SGCZ: variants seen among roughly 807,000 people sequenced by gnomAD.
SGCZ encodes sarcoglycan zeta.
Under a neutral mutation model 41.3 loss-of-function variants are expected in SGCZ, and 40 were observed. The observed-to-expected ratio is 0.97, with a 90% CI of 0.75 to 1.26. The LOEUF (loss-of-function observed/expected upper bound fraction) is 1.26, where lower values mean the gene tolerates loss of function less well. Among genes scored for constraint, SGCZ ranks in the 50% most tolerant of loss-of-function variants. The pLI is 0.00. For synonymous variants in SGCZ, 206 were observed against 137.5 expected (o/e 1.50, Z -3.49); for missense variants, 552 against 369.8 (o/e 1.49, Z -4.04).
chr8:15,073,685 T>C (rs542870151), intron 1 of SGCZ, among the ~76,000 whole-genome samples: 66 of 152,322 alleles, frequency 4.3e-4, no homozygotes, highest in African/African-American at 9.4e-4. Flanking sequence ...GACTGCAACA[T>C]AGAAACTCTG....
At chr8:14,147,351 G>GA (rs1479806504) in intron 5 of SGCZ, among the ~76,000 whole-genome samples, 1 of 152,118 alleles carries the variant, frequency 6.6e-6, no homozygotes, top group East Asian at 1.9e-4. Flanking sequence ...CACACAGACT[G>GA]AAAAGAAAGG....
At chr8:14,933,437 T>TC (rs1563373328) in intron 1 of SGCZ, among the ~76,000 whole-genome samples, 1 of 145,606 alleles carries the variant, frequency 6.9e-6, no homozygotes, top group Non-Finnish European at 1.5e-5. Flanking sequence ...TTTTCTTTTT[T>TC]TTTTTTTTTT....
At chr8:14,184,164 C>G (rs1365970783) in intron 4 of SGCZ, among the ~76,000 whole-genome samples, 1 of 151,974 alleles carries the variant, frequency 6.6e-6, no homozygotes, top group Non-Finnish European at 1.5e-5. Context: ...AAAAATTTAA[C>G]AAATTCCAGT....
chr8:15,148,843 G>T (rs1212866689), intron 1 of SGCZ, among the ~76,000 whole-genome samples: 1 of 152,130 alleles, frequency 6.6e-6, no homozygotes, highest in Non-Finnish European at 1.5e-5. Context: ...GAGAGTGAAA[G>T]AATCATATTA....
At chr8:14,354,142 A>C (rs978699968) in intron 2 of SGCZ, among the ~76,000 whole-genome samples, 4 of 152,058 alleles carry the variant, frequency 2.6e-5, no homozygotes, top group African/African-American at 9.7e-5. Context: ...ATCTCTGTAT[A>C]TATTGTAATT....
intron 2 of SGCZ, among the ~76,000 whole-genome samples, chr8:14,482,663 A>ACC (rs1801566043): frequency 2.0e-5 from 3 of 152,030 alleles, no homozygotes; most frequent in Admixed American, 2.0e-4. Flanking sequence ...AGATATTAGC[A>ACC]TCTGCGAAAT....
intron 4 of SGCZ, chr8:14,165,288 T>A (rs1335811809): frequency 6.6e-6 from 1 of 152,220 alleles, no homozygotes; most frequent in African/African-American, 2.4e-5. Flanking sequence ...TAGTGGTACC[T>A]AATGTATCTT....
At chr8:15,071,155 T>G (rs535284433) in intron 1 of SGCZ, among the ~76,000 whole-genome samples, 2 of 152,300 alleles carry the variant, frequency 1.3e-5, no homozygotes, top group East Asian at 1.9e-4. Flanking sequence ...ATTTATAGTC[T>G]TTAGTAATGT....
At chr8:14,801,889 T>A (rs187647016) in intron 1 of SGCZ, among the ~76,000 whole-genome samples, 2 of 152,300 alleles carry the variant, frequency 1.3e-5, no homozygotes, top group African/African-American at 4.8e-5. Context: ...AGTTTCCTAA[T>A]GAGAAACTGA....
chr8:14,212,990 T>C (rs1438850681), intron 4 of SGCZ, among the ~76,000 whole-genome samples: 1 of 151,916 alleles, frequency 6.6e-6, no homozygotes, highest in Non-Finnish European at 1.5e-5. Context: ...TCAATGAGCA[T>C]CAAGACAGAT....
chr8:14,142,030 A>G lies in SGCZ; in HGVS notation c.547+22550T>C, dbSNP rs554414652. Among the ~76,000 whole-genome samples the G allele has an allele frequency of 1.5e-4, 23 of 152,310 alleles. 1 individual carries two copies. Among genetic ancestry groups the G allele is most frequent in the Non-Finnish European group, 2.9e-4 (20 of 68,036 alleles). On this transcript the variant is annotated intron_variant, in intron 5 of 7. Coordinates refer to ENST00000382080, the MANE Select transcript of SGCZ (RefSeq NM_139167.4). ...ATGTCCTTTGTAGGCACATGGATGAAGCTGGAAACCATCATACTGAGCAAA... is the reference window on the plus strand; with the variant it reads ...ATGTCCTTTGTAGGCACATGGATGAGGCTGGAAACCATCATACTGAGCAAA...
At chr8:14,526,000 G>A (rs1399843272) in intron 2 of SGCZ, among the ~76,000 whole-genome samples, 1 of 151,976 alleles carries the variant, frequency 6.6e-6, no homozygotes, top group Non-Finnish European at 1.5e-5. Context: ...AGCAGTAGTA[G>A]TATTAGGTTT....
intron 1 of SGCZ, among the ~76,000 whole-genome samples, chr8:14,894,720 C>G (rs767299640): frequency 2.0e-5 from 3 of 152,072 alleles, no homozygotes; most frequent in Non-Finnish European, 4.4e-5. Context: ...TCTTTAGAAA[C>G]TACTTCAGGT....
intron 1 of SGCZ, among the ~76,000 whole-genome samples, chr8:14,564,563 C>A (rs773308680): frequency 3.3e-5 from 5 of 152,122 alleles, no homozygotes; most frequent in Admixed American, 2.6e-4. Context: ...TGTTAAAGTA[C>A]TCTTTTCATT....
chr8:14,809,543 G>C (rs551118121), intron 1 of SGCZ, among the ~76,000 whole-genome samples: 1 of 152,210 alleles, frequency 6.6e-6, no homozygotes, highest in East Asian at 1.9e-4. Flanking sequence ...TTTCCTTAAT[G>C]AAGTTTTGAC....
chr8:15,026,343 T>C (rs1225082037), intron 1 of SGCZ, among the ~76,000 whole-genome samples: 2 of 152,170 alleles, frequency 1.3e-5, no homozygotes, highest in Non-Finnish European at 2.9e-5. Context: ...TTTCAAACAC[T>C]GACATTTTCC....
intron 2 of SGCZ, among the ~76,000 whole-genome samples, chr8:14,409,534 C>G (rs78159961): frequency 0.028 from 4,263 of 151,934 alleles, 86 homozygotes; most frequent in Non-Finnish European, 0.042. Context: ...CTCATAAGAA[C>G]TTATGGGAAT....
intron 3 of SGCZ, among the ~76,000 whole-genome samples, chr8:14,304,755 C>G (rs913218404): frequency 8.5e-5 from 13 of 152,202 alleles, no homozygotes; most frequent in Non-Finnish European, 1.6e-4. Flanking sequence ...TCTGTGGCTA[C>G]ATTTGAAAAC....
At chr8:14,309,207 T>C in intron 3 of SGCZ, 1 of 1,492,286 alleles carries the variant, frequency 6.7e-7, no homozygotes, top group Non-Finnish European at 9.3e-7. Context: ...CTGCGGCTGA[T>C]CTCTAAGTTT....
Sources: gnomAD v4.1 joint callset for allele counts (sites outside exome capture counted in the v4.1 genomes callset) on GRCh38, gnomAD v4.1.1 for gene constraint, MANE v1.5 for transcripts, NCBI Gene and HGNC (gene_info 2026-07-23, HGNC 2026-07-21) for gene names.